The following LRMDA variants were observed in gnomAD, a reference collection of about 807,000 sequenced individuals.
LRMDA encodes leucine-rich melanocyte differentiation-associated protein.
Under a neutral mutation model 29.8 loss-of-function variants are expected in LRMDA, and 18 were observed. That is an observed-to-expected ratio of 0.60 (90% CI 0.42 to 0.90). The LOEUF (loss-of-function observed/expected upper bound fraction) is 0.90. LRMDA is among the 40% of genes least tolerant of loss of function. The pLI is 0.00. For synonymous variants in LRMDA, 125 were observed against 109.4 expected, an observed-to-expected ratio of 1.14 and a Z score of -0.89; for missense variants, 273 against 273.9, an observed-to-expected ratio of 1.00 and a Z score of 0.02.
intron 2 of LRMDA, among the ~76,000 whole-genome samples, chr10:75,905,008 A>T (rs1226960312): frequency 6.6e-6 from 1 of 152,164 alleles, no homozygotes; most frequent in Non-Finnish European, 1.5e-5. Flanking sequence ...GAAAGGGAAA[A>T]AAAAGTGCAC....
chr10:76,395,094 A>G (rs1394684090), intron 6 of LRMDA, among the ~76,000 whole-genome samples: 1 of 152,198 alleles, frequency 6.6e-6, no homozygotes, highest in Non-Finnish European at 1.5e-5. Flanking sequence ...TGACCTTGAA[A>G]AGGTGAATAG....
chr10:76,229,365 A>G (rs1472175201), intron 5 of LRMDA, among the ~76,000 whole-genome samples: 1 of 152,124 alleles, frequency 6.6e-6, no homozygotes, highest in African/African-American at 2.4e-5. Context: ...CTTTTAGAGG[A>G]AAAAGTAAAT....
rs372356882 is a variant in LRMDA, at chr10:76,434,454, T to C, written c.601+109969T>C. Reference sequence around the variant, plus strand: ...ATGCTGAAACATGATTGCTTCTTTCTTTCTTATGTAAGGAGCAATGGGAAC... The same window carrying C: ...ATGCTGAAACATGATTGCTTCTTTCCTTCTTATGTAAGGAGCAATGGGAAC... On this transcript the variant is annotated intron_variant, in intron 6 of 6. Coordinates refer to ENST00000611255, the MANE Select transcript of LRMDA (RefSeq NM_001305581.2). Among the ~76,000 whole-genome samples, 17 of 152,296 alleles carry C rather than the reference T, an allele frequency of 1.1e-4. 1 individual carries two copies. In the East Asian group the frequency reaches 3.1e-3, roughly 28 times the overall value.
At chr10:75,792,404 A>G (rs1843584433) in intron 2 of LRMDA, among the ~76,000 whole-genome samples, 1 of 152,008 alleles carries the variant, frequency 6.6e-6, no homozygotes, top group African/African-American at 2.4e-5. Context: ...AGCTGGGATT[A>G]CAGGTGCGTC....
intron 2 of LRMDA, among the ~76,000 whole-genome samples, chr10:75,874,242 A>G (rs1845160143): frequency 6.6e-6 from 1 of 152,256 alleles, no homozygotes; most frequent in Admixed American, 6.5e-5. Context: ...AAGAAGAGTT[A>G]GAGAAGACCA....
chr10:76,535,071 C>T (rs1843276230), intron 6 of LRMDA, among the ~76,000 whole-genome samples: 1 of 152,250 alleles, frequency 6.6e-6, no homozygotes, highest in African/African-American at 2.4e-5. Flanking sequence ...TATCCTCACA[C>T]AGGGATACAC....
rs190268841 is a variant in LRMDA at position 76,089,468 on chromosome 10, C to T, written c.516+30685C>T. Reference sequence around the variant, plus strand: ...AGTTTACCAGTGTCCTGGGATCCTCCGCAACCACTTTGAGGAGAATCTGAG... The same window carrying T: ...AGTTTACCAGTGTCCTGGGATCCTCTGCAACCACTTTGAGGAGAATCTGAG... On this transcript the variant is annotated intron_variant, in intron 5 of 6. Transcript: ENST00000611255. Among the ~76,000 whole-genome samples the T allele has an allele frequency of 4.3e-4, 66 of 152,268 alleles. No individual in the cohort carries two copies. The East Asian group carries it at 0.011, about 26-fold the overall frequency.
intron 5 of LRMDA, among the ~76,000 whole-genome samples, chr10:76,209,794 G>A (rs754415707): frequency 1.3e-5 from 2 of 152,196 alleles, no homozygotes; most frequent in African/African-American, 2.4e-5. Context: ...TACTCTGAGA[G>A]AGTGTCCTAT....
chr10:75,439,705 G>A (rs1844305765), intron 2 of LRMDA, among the ~76,000 whole-genome samples: 1 of 152,226 alleles, frequency 6.6e-6, no homozygotes, highest in South Asian at 2.1e-4. Context: ...AAGGGTTTGT[G>A]TGCATCTGGG....
chr10:76,384,694 T>C (rs1841639140), intron 6 of LRMDA, among the ~76,000 whole-genome samples: 2 of 152,230 alleles, frequency 1.3e-5, no homozygotes, highest in Admixed American at 6.5e-5. Context: ...CTGTTCTCTT[T>C]AGTACGTAAA....
At chr10:75,603,903 A>G (rs181517569) in intron 2 of LRMDA, among the ~76,000 whole-genome samples, 19 of 152,346 alleles carry the variant, frequency 1.2e-4, no homozygotes, top group Admixed American at 1.2e-3. Flanking sequence ...ACAGCCAAGG[A>G]TCTTGATACC....
At chr10:75,953,654 T>G (rs1846616213) in intron 2 of LRMDA, among the ~76,000 whole-genome samples, 1 of 152,232 alleles carries the variant, frequency 6.6e-6, no homozygotes, top group African/African-American at 2.4e-5. Context: ...TTTTTAGCTC[T>G]ATTTAATAAA....
chr10:75,776,704 G>A (rs1272209312), intron 2 of LRMDA, among the ~76,000 whole-genome samples: 1 of 152,184 alleles, frequency 6.6e-6, no homozygotes, highest in Admixed American at 6.5e-5. Flanking sequence ...CCTATCTCCT[G>A]TTTGCATATC....
In LRMDA at chr10:75,773,092, T is replaced by C. The variant is rs536322871; in HGVS notation, c.132-262916T>C. Among the ~76,000 whole-genome samples the C allele has an allele frequency of 2.1e-4, 32 of 152,328 alleles. No individual in the cohort carries two copies. The South Asian group carries it at 6.6e-3, about 32-fold the overall frequency. Reference sequence around the variant, plus strand: ...CACTGCGACCTTGCCACTGTTGACATTTTAGGTAGAAAATTGTTTGTTATG... The same window carrying C: ...CACTGCGACCTTGCCACTGTTGACACTTTAGGTAGAAAATTGTTTGTTATG... On this transcript the variant is annotated intron_variant, in intron 2 of 6. Transcript: ENST00000611255.
At chr10:75,533,303 TA>T (rs1425489080) in intron 2 of LRMDA, among the ~76,000 whole-genome samples, 1 of 152,236 alleles carries the variant, frequency 6.6e-6, no homozygotes, top group African/African-American at 2.4e-5. Flanking sequence ...CTCCTCATTT[TA>T]TAATGACATT....
chr10:76,489,933 C>T (rs953109176), intron 6 of LRMDA, among the ~76,000 whole-genome samples: 3 of 151,828 alleles, frequency 2.0e-5, no homozygotes, highest in Non-Finnish European at 4.4e-5. Context: ...CTGAGGCCTC[C>T]TCAGCCATGC....
chr10:76,168,905 G>A (rs1850786853), intron 5 of LRMDA, among the ~76,000 whole-genome samples: 1 of 152,124 alleles, frequency 6.6e-6, no homozygotes, highest in South Asian at 2.1e-4. Flanking sequence ...TATTGTTGAA[G>A]CCAATAAGTA....
At chr10:76,298,838 T>C (rs952791316) in intron 5 of LRMDA, among the ~76,000 whole-genome samples, 3 of 152,164 alleles carry the variant, frequency 2.0e-5, no homozygotes, top group African/African-American at 7.2e-5. Flanking sequence ...CTCTCTTCTC[T>C]CCATCATGTG....
At chr10:75,602,026 C>T (rs988714077) in intron 2 of LRMDA, among the ~76,000 whole-genome samples, 3 of 152,132 alleles carry the variant, frequency 2.0e-5, no homozygotes, top group Admixed American at 6.5e-5. Flanking sequence ...GATAATCACT[C>T]GATTGAGTTA....
Sources: gnomAD v4.1 joint callset for allele counts (sites outside exome capture counted in the v4.1 genomes callset) on GRCh38, gnomAD v4.1.1 for gene constraint, MANE v1.5 for transcripts, NCBI Gene and HGNC (gene_info 2026-07-23, HGNC 2026-07-21) for gene names.